NTM: variants seen among roughly 807,000 people sequenced by gnomAD.
The protein encoded by NTM is IgLON family member 2.
NTM carries 13 observed loss-of-function variants against 42.1 expected under a neutral mutation model. The observed-to-expected ratio is 0.31, with a 90% CI of 0.20 to 0.49. The LOEUF (loss-of-function observed/expected upper bound fraction) is 0.49, where lower values mean the gene tolerates loss of function less well. Among genes scored for constraint, NTM ranks in the 20% least tolerant of loss-of-function variants. The probability of loss-of-function intolerance (pLI) is 0.99; values close to 1 mark genes in which losing one functional copy is unlikely to be tolerated. For synonymous variants in NTM, 187 were observed against 179.2 expected (o/e 1.04, Z -0.35); for missense variants, 373 against 452.8 (o/e 0.82, Z 1.60).
At chr11:132,213,243 C>A (rs61906027) in intron 4 of NTM, among the ~76,000 whole-genome samples, 24,362 of 152,028 alleles carry the variant, frequency 0.16, 2,044 homozygotes, top group East Asian at 0.23. Flanking sequence ...GTCTCAACTC[C>A]CATGGAAGGG....
At chr11:131,896,764 C>T (rs1235034514) in intron 1 of NTM, among the ~76,000 whole-genome samples, 2 of 147,096 alleles carry the variant, frequency 1.4e-5, no homozygotes, top group Non-Finnish European at 3.0e-5. Context: ...TCTCAGCTCA[C>T]TGCAAGCTCC....
chr11:131,751,602 AAAAG>A (rs1347110403), intron 1 of NTM, among the ~76,000 whole-genome samples: 3 of 151,796 alleles, frequency 2.0e-5, no homozygotes, highest in African/African-American at 4.8e-5. Flanking sequence ...AAAAAAAAAA[AAAAG>A]AAAATTAGCT....
intron 2 of NTM, among the ~76,000 whole-genome samples, chr11:132,029,640 A>G (rs940819180): frequency 6.6e-6 from 1 of 152,176 alleles, no homozygotes. Context: ...TTCAGTCCAC[A>G]TAGTCCATCA....
intron 1 of NTM, among the ~76,000 whole-genome samples, chr11:131,747,963 G>A (rs1387881895): frequency 2.0e-5 from 3 of 152,070 alleles, no homozygotes; most frequent in East Asian, 1.9e-4. Flanking sequence ...TGTACTCGCC[G>A]GGCACCACAT....
intron 2 of NTM, among the ~76,000 whole-genome samples, chr11:132,025,456 G>T (rs1277247992): frequency 6.6e-6 from 1 of 152,182 alleles, no homozygotes; most frequent in Non-Finnish European, 1.5e-5. Flanking sequence ...ACTTGGCAGT[G>T]AGCATCACTT....
At chr11:131,829,930 G>A (rs2042607995) in intron 1 of NTM, among the ~76,000 whole-genome samples, 1 of 152,176 alleles carries the variant, frequency 6.6e-6, no homozygotes, top group Admixed American at 6.5e-5. Flanking sequence ...CTGATGATTA[G>A]TGATGTGGAA....
At chr11:131,449,571 A>T (rs1950326978) in intron 1 of NTM, among the ~76,000 whole-genome samples, 1 of 152,176 alleles carries the variant, frequency 6.6e-6, no homozygotes, top group South Asian at 2.1e-4. Context: ...GCACAGCCAG[A>T]TGGTGATTCC....
At chr11:132,314,166 TCATCAC>T (rs139097316) in intron 6 of NTM, among the ~76,000 whole-genome samples, 1,878 of 151,886 alleles carry the variant, frequency 0.012, 20 homozygotes, top group Middle Eastern at 0.068. Flanking sequence ...ATGGTTGTCA[TCATCAC>T]CATCACCATC....
chr11:131,995,955 C>T (rs73586651), intron 2 of NTM, among the ~76,000 whole-genome samples: 2,989 of 152,136 alleles, frequency 0.02, 111 homozygotes, highest in African/African-American at 0.068. Context: ...TTCAGTTCCT[C>T]GACATTATCT....
chr11:131,494,648 G>C (rs1422978489), intron 1 of NTM, among the ~76,000 whole-genome samples: 1 of 152,104 alleles, frequency 6.6e-6, no homozygotes, highest in East Asian at 1.9e-4. Context: ...AAAATATCTT[G>C]AATGAACGCA....
chr11:132,268,668 CTCTGTGTG>C (rs887982971), intron 4 of NTM, among the ~76,000 whole-genome samples: 29 of 138,600 alleles, frequency 2.1e-4, no homozygotes, highest in African/African-American at 7.3e-4. Context: ...CTCTCTCTCT[CTCTGTGTG>C]TGTGTGTGTG....
chr11:132,134,229 C>T (rs145924529), intron 2 of NTM, among the ~76,000 whole-genome samples: 410 of 152,270 alleles, frequency 2.7e-3, no homozygotes, highest in Admixed American at 5.0e-3. Flanking sequence ...GCCCCATACC[C>T]GTATCTTTGG....
At chr11:131,758,637 G>A (rs968189828) in intron 1 of NTM, among the ~76,000 whole-genome samples, 1 of 150,696 alleles carries the variant, frequency 6.6e-6, no homozygotes, top group Non-Finnish European at 1.5e-5. Context: ...GTGTTGCCCA[G>A]GTTAGAGTGC....
chr11:131,571,500 A>G (rs979867459), intron 1 of NTM, among the ~76,000 whole-genome samples: 2 of 152,336 alleles, frequency 1.3e-5, no homozygotes, highest in African/African-American at 4.8e-5. Flanking sequence ...TTAGCATGAC[A>G]GGCCAGCAAA....
intron 1 of NTM, among the ~76,000 whole-genome samples, chr11:131,686,287 T>C (rs1322287669): frequency 6.6e-6 from 1 of 152,234 alleles, no homozygotes; most frequent in East Asian, 1.9e-4. Context: ...TAAGTCCTAA[T>C]AATTTACTGT....
chr11:131,974,859 A>C (rs2064080707), intron 2 of NTM, among the ~76,000 whole-genome samples: 1 of 152,164 alleles, frequency 6.6e-6, no homozygotes, highest in South Asian at 2.1e-4. Context: ...TCAAATTTAG[A>C]GGGGGAAATA....
At chr11:132,061,959 G>T (rs2080748727) in intron 2 of NTM, among the ~76,000 whole-genome samples, 1 of 151,998 alleles carries the variant, frequency 6.6e-6, no homozygotes, top group Non-Finnish European at 1.5e-5. Context: ...TCAGATAGGG[G>T]GTATCATTTG....
At chr11:132,320,550 T>C (rs1357304555) in intron 7 of NTM, among the ~76,000 whole-genome samples, 1 of 152,182 alleles carries the variant, frequency 6.6e-6, no homozygotes, top group Non-Finnish European at 1.5e-5. Context: ...CGCTGATTGC[T>C]AGCACAGCAG....
At chr11:131,646,793 T>G in intron 1 of NTM, among the ~76,000 whole-genome samples, 1 of 152,220 alleles carries the variant, frequency 6.6e-6, no homozygotes, top group East Asian at 1.9e-4. Flanking sequence ...TATCAACATT[T>G]GGAGTTTTGT....
Sources: gnomAD v4.1 joint callset for allele counts (sites outside exome capture counted in the v4.1 genomes callset) on GRCh38, gnomAD v4.1.1 for gene constraint, MANE v1.5 for transcripts, NCBI Gene and HGNC (gene_info 2026-07-23, HGNC 2026-07-21) for gene names.